TBCCD1: variants seen among roughly 807,000 people sequenced by gnomAD.
TBCCD1 encodes TBCC domain containing 1.
TBCCD1 carries 26 observed loss-of-function variants against 53.4 expected under a neutral mutation model. The observed-to-expected ratio is 0.49, with a 90% CI of 0.36 to 0.68. The LOEUF is 0.68. Among genes scored for constraint, TBCCD1 ranks in the 30% least tolerant of loss-of-function variants. The pLI, the probability that TBCCD1 is intolerant of heterozygous loss-of-function variation, is 0.00. For synonymous variants in TBCCD1, 245 were observed against 241.7 expected, an observed-to-expected ratio of 1.01 and a Z score of -0.13; for missense variants, 558 against 669.5, an observed-to-expected ratio of 0.83 and a Z score of 1.84.
intron 1 of TBCCD1, among the ~76,000 whole-genome samples, chr3:186,566,133 G>A (rs1714822355): frequency 6.6e-6 from 1 of 151,902 alleles, no homozygotes. Context: ...CACCTCCCAG[G>A]TTCAAACGAT....
At chr3:186,551,424 C>T in intron 6 of TBCCD1, 145 bp from the exon 7 acceptor site, 1 of 788,438 alleles carries the variant, frequency 1.3e-6, no homozygotes, top group Non-Finnish European at 2.0e-6. Context: ...GTTCAGAGTA[C>T]ACTGGACACC....
chr3:186,564,886 G>C (rs576073068), intron 1 of TBCCD1, among the ~76,000 whole-genome samples: 1 of 152,314 alleles, frequency 6.6e-6, no homozygotes, highest in South Asian at 2.1e-4. Context: ...TGCAAGAATA[G>C]ATCAGGAGAA....
At chr3:186,553,230 G>C (rs1469343669) in intron 6 of TBCCD1, 2 of 152,176 alleles carry the variant, frequency 1.3e-5, no homozygotes, top group Non-Finnish European at 2.9e-5. Flanking sequence ...ATATGCAGGA[G>C]CTTTTCACAT....
upstream of TBCCD1, among the ~76,000 whole-genome samples, chr3:186,568,692 G>A (rs1193051734): frequency 6.6e-6 from 1 of 152,122 alleles, no homozygotes; most frequent in Admixed American, 6.5e-5. Flanking sequence ...CTTGAGGTCA[G>A]GAGTTCGAGA....
At chr3:186,565,480 C>T (rs1714802584) in intron 1 of TBCCD1, among the ~76,000 whole-genome samples, 1 of 152,160 alleles carries the variant, frequency 6.6e-6, no homozygotes, top group African/African-American at 2.4e-5. Flanking sequence ...GTTACATACA[C>T]AATTCTGTAC....
chr3:186,550,480 G>A (rs888232985), intron 7 of TBCCD1, among the ~76,000 whole-genome samples: 6 of 151,530 alleles, frequency 4.0e-5, no homozygotes, highest in Non-Finnish European at 8.8e-5. Flanking sequence ...CAGCTACTCC[G>A]GAGACTGAGG....
At chr3:186,563,232 T>G (rs1714735097) in intron 2 of TBCCD1, among the ~76,000 whole-genome samples, 1 of 152,272 alleles carries the variant, frequency 6.6e-6, no homozygotes, top group African/African-American at 2.4e-5. Flanking sequence ...TCTAAGCCAC[T>G]GAAATACTGG....
intron 4 of TBCCD1, 112 bp downstream of exon 4, chr3:186,556,297 G>T: frequency 1.7e-6 from 2 of 1,204,608 alleles, no homozygotes; most frequent in South Asian, 1.7e-5. Context: ...TTTTATAGGA[G>T]CAGTATTTTT....
intron 4 of TBCCD1, 39 bp from the exon 5 acceptor site, chr3:186,555,123 A>C: frequency 6.5e-7 from 1 of 1,546,158 alleles, no homozygotes; most frequent in Non-Finnish European, 8.7e-7. Flanking sequence ...GGCAGTATCA[A>C]ATCAAAGAAA....
chr3:186,553,146 G>A (rs1253113189), intron 6 of TBCCD1, among the ~76,000 whole-genome samples: 3 of 152,140 alleles, frequency 2.0e-5, no homozygotes, highest in Admixed American at 6.5e-5. Context: ...GGATCACTGT[G>A]GATCTCACCA....
chr3:186,559,032 C>T (rs1266111872), intron 2 of TBCCD1, among the ~76,000 whole-genome samples: 1 of 152,110 alleles, frequency 6.6e-6, no homozygotes, highest in Non-Finnish European at 1.5e-5. Flanking sequence ...GGCGTGAACC[C>T]CTGTGCCTGG....
At chr3:186,559,203 C>A (rs936417029) in intron 2 of TBCCD1, among the ~76,000 whole-genome samples, 7 of 151,876 alleles carry the variant, frequency 4.6e-5, no homozygotes, top group African/African-American at 2.4e-5. Flanking sequence ...TTAAAAAAAA[C>A]CAACCTTAGT....
chr3:186,557,070 G>C (rs2108459456), intron 3 of TBCCD1, among the ~76,000 whole-genome samples: 1 of 152,274 alleles, frequency 6.6e-6, no homozygotes, highest in South Asian at 2.1e-4. Flanking sequence ...ACTGGCCCAG[G>C]TCGTCACTTT....
At chr3:186,568,268 G>A (rs1434936050), upstream of TBCCD1, among the ~76,000 whole-genome samples, 1 of 152,110 alleles carries the variant, frequency 6.6e-6, no homozygotes, top group Non-Finnish European at 1.5e-5. Flanking sequence ...AAACAGACAA[G>A]GTCCTTGCTT....
upstream of TBCCD1, among the ~76,000 whole-genome samples, chr3:186,569,705 T>G (rs1578980070): frequency 6.9e-6 from 1 of 144,116 alleles, no homozygotes. Context: ...ATATTAAGAG[T>G]GGGGGCAAGG....
chr3:186,562,065 G>A (rs537640171), intron 2 of TBCCD1, among the ~76,000 whole-genome samples: 1 of 152,242 alleles, frequency 6.6e-6, no homozygotes, highest in East Asian at 1.9e-4. Context: ...AATCATGTTG[G>A]GTACAGTGGC....
chr3:186,568,147 G>A (rs977991897), upstream of TBCCD1, among the ~76,000 whole-genome samples: 7 of 152,106 alleles, frequency 4.6e-5, no homozygotes, highest in African/African-American at 1.7e-4. Flanking sequence ...ACACATACCT[G>A]GGTTAGGATC....
At position 186,552,902 on chromosome 3, in the gene TBCCD1, C is replaced by T. The variant is rs1452171775; in HGVS notation, c.1544+1352G>A. ...TAATAGTAAGATGACTGCTGTATGC[C>T]GGGAAGGAGGAAATGAGGAAAAGAA... On this transcript the variant is annotated intron_variant, in intron 6 of 7. Transcript: ENST00000338733. Among the ~76,000 whole-genome samples the T allele has an allele frequency of 3.3e-5, 5 of 151,894 alleles. No homozygotes were observed. The South Asian group carries it at 1.0e-3, about 32-fold the overall frequency.
chr3:186,556,240 C>A (rs1714535837), intron 4 of TBCCD1, among the ~76,000 whole-genome samples, 169 bp downstream of exon 4: 1 of 151,752 alleles, frequency 6.6e-6, no homozygotes, highest in African/African-American at 2.4e-5. Context: ...TTAGTATAAT[C>A]CTTGAGAGAA....
Sources: allele counts gnomAD v4.1 joint callset (sites outside exome capture counted in the v4.1 genomes callset), GRCh38; gene constraint gnomAD v4.1.1; transcripts MANE v1.5; gene names NCBI Gene and HGNC (gene_info 2026-07-23, HGNC 2026-07-21).